The following CDH6 variants were observed in gnomAD, a reference collection of about 807,000 sequenced individuals.
CDH6 encodes cadherin-6.
A neutral mutation model predicts 78.0 loss-of-function variants in CDH6; 31 were observed. The observed-to-expected ratio is 0.40, with a 90% CI of 0.30 to 0.54. CDH6 has a LOEUF of 0.54. CDH6 is among the 20% of genes least tolerant of loss of function. The pLI is 0.56. For synonymous variants in CDH6, 376 were observed against 368.8 expected, an observed-to-expected ratio of 1.02 and a Z score of -0.23; for missense variants, 724 against 975.9, an observed-to-expected ratio of 0.74 and a Z score of 3.44.
Position 31,236,421 on chromosome 5 carries a change from G to A in CDH6, c.-128-30925G>A, listed in dbSNP as rs570109569. Among the ~76,000 whole-genome samples the A allele has an allele frequency of 8.9e-4, 135 of 152,188 alleles. 1 individual carries two copies. The highest frequency in any genetic ancestry group is 3.0e-3 in the African/African-American group (123 of 41,526). On this transcript the variant is annotated intron_variant, in intron 1 of 11. Transcript: ENST00000265071. ...TATAGTCCTCTAATTGAGAAGGGGT[G>A]GGCACACAATATGAATGAAGGTGAT...
At chr5:31,266,637 GAAAA>G (rs11296915) in intron 1 of CDH6, among the ~76,000 whole-genome samples, 1 of 148,120 alleles carries the variant, frequency 6.8e-6, no homozygotes, top group Non-Finnish European at 1.5e-5. Context: ...GTCCTCTAAG[GAAAA>G]AAAAAAAAGT....
intron 9 of CDH6, among the ~76,000 whole-genome samples, 154 bp from the exon 10 acceptor site, chr5:31,317,221 C>A (rs1738349099): frequency 1.3e-5 from 2 of 152,146 alleles, no homozygotes; most frequent in African/African-American, 4.8e-5. Flanking sequence ...GGCTTTCTAA[C>A]CCATAATAGA....
At chr5:31,261,798 CTG>C (rs1365482343) in intron 1 of CDH6, among the ~76,000 whole-genome samples, 1 of 152,120 alleles carries the variant, frequency 6.6e-6, no homozygotes, top group African/African-American at 2.4e-5. Flanking sequence ...GCTTTCAAAT[CTG>C]TCTTATATTT....
At chr5:31,247,838 G>A (rs1270270150) in intron 1 of CDH6, among the ~76,000 whole-genome samples, 1 of 152,126 alleles carries the variant, frequency 6.6e-6, no homozygotes, top group Non-Finnish European at 1.5e-5. Flanking sequence ...TATAAAGTGT[G>A]GCTGACTCTA....
At chr5:31,211,092 T>C (rs748453889) in intron 1 of CDH6, among the ~76,000 whole-genome samples, 1 of 152,202 alleles carries the variant, frequency 6.6e-6, no homozygotes, top group Non-Finnish European at 1.5e-5. Flanking sequence ...GGGTTTTTGG[T>C]GTGTTTGTTT....
At chr5:31,204,271 A>C (rs1052251337) in intron 1 of CDH6, among the ~76,000 whole-genome samples, 2 of 152,166 alleles carry the variant, frequency 1.3e-5, no homozygotes, top group African/African-American at 4.8e-5. Flanking sequence ...TTAAATGGGC[A>C]TGTACTTTGT....
At chr5:31,235,828 T>C (rs1294804745) in intron 1 of CDH6, among the ~76,000 whole-genome samples, 2 of 152,190 alleles carry the variant, frequency 1.3e-5, no homozygotes, top group Non-Finnish European at 2.9e-5. Context: ...GTTTTAATTA[T>C]GGAATTTAAA....
chr5:31,210,076 T>TTGTGTGTGTGTGTG (rs60543109), intron 1 of CDH6, among the ~76,000 whole-genome samples: 1,888 of 146,540 alleles, frequency 0.013, 16 homozygotes, highest in African/African-American at 0.018. Context: ...TTTTCTTAAA[T>TTGTGTGTGTGTGTG]TGTGTGTGTG....
intron 1 of CDH6, among the ~76,000 whole-genome samples, chr5:31,213,469 G>A (rs1009842613): frequency 6.6e-6 from 1 of 152,124 alleles, no homozygotes; most frequent in African/African-American, 2.4e-5. Context: ...GTGGGTGAGG[G>A]GTTGGTTAGG....
chr5:31,288,025 G>A (rs917710092), intron 2 of CDH6, among the ~76,000 whole-genome samples: 1 of 152,232 alleles, frequency 6.6e-6, no homozygotes, highest in South Asian at 2.1e-4. Flanking sequence ...CCATCCCCTT[G>A]GGCACTGTTC....
chr5:31,238,410 C>A (rs1209936096), intron 1 of CDH6, among the ~76,000 whole-genome samples: 1 of 152,192 alleles, frequency 6.6e-6, no homozygotes, highest in Non-Finnish European at 1.5e-5. Context: ...ACTGTCTCCC[C>A]AGACCCTCTC....
intron 1 of CDH6, among the ~76,000 whole-genome samples, chr5:31,208,600 A>G (rs1740605141): frequency 6.6e-6 from 1 of 152,148 alleles, no homozygotes; most frequent in Non-Finnish European, 1.5e-5. Flanking sequence ...TTATTTGTTC[A>G]TGGTGGAAAC....
At chr5:31,260,251 T>G (rs1019700405) in intron 1 of CDH6, among the ~76,000 whole-genome samples, 2 of 152,172 alleles carry the variant, frequency 1.3e-5, no homozygotes, top group Non-Finnish European at 2.9e-5. Flanking sequence ...GTCATCCCAT[T>G]TTACAGGTAA....
chr5:31,264,891 T>C (rs970695544), intron 1 of CDH6, among the ~76,000 whole-genome samples: 1 of 152,204 alleles, frequency 6.6e-6, no homozygotes, highest in African/African-American at 2.4e-5. Flanking sequence ...TAAAAAGAAC[T>C]AATATTTAAT....
At chr5:31,196,761 T>A (rs1043048622) in intron 1 of CDH6, among the ~76,000 whole-genome samples, 3 of 152,192 alleles carry the variant, frequency 2.0e-5, no homozygotes, top group African/African-American at 7.2e-5. Context: ...TTTCTGAATA[T>A]CTAGACTTTT....
chr5:31,212,762 G>GCACACACA (rs72457836), intron 1 of CDH6, among the ~76,000 whole-genome samples: 269 of 148,262 alleles, frequency 1.8e-3, no homozygotes, highest in African/African-American at 6.2e-3. Context: ...ACATGAACGT[G>GCACACACA]CACACACACA....
At chr5:31,215,958 A>C (rs1740849436) in intron 1 of CDH6, among the ~76,000 whole-genome samples, 1 of 152,162 alleles carries the variant, frequency 6.6e-6, no homozygotes, top group Non-Finnish European at 1.5e-5. Flanking sequence ...GTTTACACTC[A>C]CCATCATAAA....
At chr5:31,302,516 A>T in intron 6 of CDH6, 1 of 399,078 alleles carries the variant, frequency 2.5e-6, no homozygotes, top group Non-Finnish European at 4.6e-6. Flanking sequence ...TGAGTCCTGG[A>T]GTTTGAGACC....
chr5:31,318,005 T>A, intron 11 of CDH6, 81 bp downstream of exon 11: 1 of 1,525,198 alleles, frequency 6.6e-7, no homozygotes, highest in Non-Finnish European at 9.0e-7. Context: ...TTTATCTGCC[T>A]CCCCCATTAA....
Sources: gnomAD v4.1 joint callset for allele counts (sites outside exome capture counted in the v4.1 genomes callset) on GRCh38, gnomAD v4.1.1 for gene constraint, MANE v1.5 for transcripts, NCBI Gene and HGNC (gene_info 2026-07-23, HGNC 2026-07-21) for gene names.